Variants in FHIT observed in about 807,000 individuals in gnomAD.
FHIT encodes bis(5'-adenosyl)-triphosphatase.
A neutral mutation model predicts 17.9 loss-of-function variants in FHIT; 19 were observed. The observed-to-expected ratio is 1.06, with a 90% CI of 0.74 to 1.56. The LOEUF (loss-of-function observed/expected upper bound fraction) is 1.56. FHIT is among the 40% of genes most tolerant of loss of function. The pLI is 0.00. For synonymous variants in FHIT, 81 were observed against 69.7 expected (o/e 1.16, Z -0.81); for missense variants, 248 against 189.2 (o/e 1.31, Z -1.82).
chr3:60,604,689 C>A (rs1320755035), intron 4 of FHIT, among the ~76,000 whole-genome samples: 2 of 152,110 alleles, frequency 1.3e-5, no homozygotes, highest in East Asian at 1.9e-4. Flanking sequence ...GGGAAAAAAA[C>A]CGAGGTTCCC....
At chr3:60,668,537 A>T (rs2040434172) in intron 4 of FHIT, among the ~76,000 whole-genome samples, 1 of 144,504 alleles carries the variant, frequency 6.9e-6, no homozygotes, top group Non-Finnish European at 1.5e-5. Context: ...CTCCAGGCCT[A>T]GGGAGGCCAG....
At chr3:59,828,848 T>TGC (rs1491181062) in intron 8 of FHIT, among the ~76,000 whole-genome samples, 3 of 151,092 alleles carry the variant, frequency 2.0e-5, no homozygotes, top group South Asian at 2.1e-4. Flanking sequence ...GTACTCTCTC[T>TGC]GTGTGTGTGT....
At chr3:60,151,423 T>A (rs969820304) in intron 5 of FHIT, among the ~76,000 whole-genome samples, 1 of 152,172 alleles carries the variant, frequency 6.6e-6, no homozygotes, top group African/African-American at 2.4e-5. Context: ...AGCCTCCTAA[T>A]CAGTCCAAAC....
chr3:60,047,152 CG>C (rs1409037129), intron 5 of FHIT, among the ~76,000 whole-genome samples: 1 of 152,190 alleles, frequency 6.6e-6, no homozygotes, highest in Non-Finnish European at 1.5e-5. Flanking sequence ...ACGTAACAGT[CG>C]GTGCACAGCA....
At chr3:59,950,783 T>A (rs560094081) in intron 7 of FHIT, among the ~76,000 whole-genome samples, 3 of 152,110 alleles carry the variant, frequency 2.0e-5, no homozygotes, top group African/African-American at 7.2e-5. Context: ...CTACACAACT[T>A]TGGAAAACAC....
chr3:61,167,139 G>A (rs1342860214), intron 2 of FHIT: 1 of 152,102 alleles, frequency 6.6e-6, no homozygotes, highest in Non-Finnish European at 1.5e-5. Flanking sequence ...GGGTGATTTA[G>A]AAACGGATTA....
chr3:59,901,468 G>A (rs1344279571), intron 8 of FHIT, among the ~76,000 whole-genome samples: 2 of 152,166 alleles, frequency 1.3e-5, no homozygotes, highest in East Asian at 1.9e-4. Flanking sequence ...CACAGAATCT[G>A]AATAGACATT....
chr3:59,903,216 T>C (rs1704415330), intron 8 of FHIT, among the ~76,000 whole-genome samples: 1 of 152,188 alleles, frequency 6.6e-6, no homozygotes, highest in Non-Finnish European at 1.5e-5. Context: ...ATGCCATTTA[T>C]ATGAAATGTC....
intron 4 of FHIT, among the ~76,000 whole-genome samples, chr3:60,712,441 G>A (rs1439078720): frequency 6.6e-6 from 1 of 151,764 alleles, no homozygotes; most frequent in Non-Finnish European, 1.5e-5. Flanking sequence ...AACTATAAAT[G>A]TAAATGGACT....
Position 60,633,431 on chromosome 3 carries a change from T to C in FHIT, c.-17-96452A>G, listed in dbSNP as rs142169995. Among the ~76,000 whole-genome samples the C allele has an allele frequency of 1.7e-3, 261 of 152,276 alleles. 3 individuals are homozygous for C. The highest frequency in any genetic ancestry group is 6.2e-3 in the African/African-American group (256 of 41,562). On this transcript the variant is annotated intron_variant, in intron 4 of 9. Coordinates refer to ENST00000492590, the MANE Select transcript of FHIT (RefSeq NM_002012.4). ...GTAAACACACAATAAGTATTAGAAA[T>C]ACAACAAATTATTATATTTAAGTAT...
intron 8 of FHIT, among the ~76,000 whole-genome samples, chr3:59,882,605 C>G (rs973329334): frequency 3.3e-5 from 5 of 152,110 alleles, no homozygotes; most frequent in Admixed American, 2.6e-4. Context: ...AGAAGTCTGG[C>G]AAGGAAAGTA....
intron 8 of FHIT, among the ~76,000 whole-genome samples, chr3:59,785,984 T>C (rs1486675152): frequency 1.3e-5 from 2 of 152,202 alleles, no homozygotes; most frequent in African/African-American, 4.8e-5. Flanking sequence ...CTGTGAGCTC[T>C]GAGATCATGT....
At chr3:60,699,866 A>C (rs1208591760) in intron 4 of FHIT, among the ~76,000 whole-genome samples, 2 of 152,020 alleles carry the variant, frequency 1.3e-5, no homozygotes, top group Non-Finnish European at 2.9e-5. Flanking sequence ...CACATACGCC[A>C]GGTACAGTGG....
chr3:60,982,067 T>C (rs1710520773), intron 3 of FHIT, among the ~76,000 whole-genome samples: 1 of 152,232 alleles, frequency 6.6e-6, no homozygotes, highest in African/African-American at 2.4e-5. Context: ...GCTTCCACTC[T>C]TGCCCTTCCA....
At chr3:60,477,605 C>G (rs539267363) in intron 5 of FHIT, among the ~76,000 whole-genome samples, 1 of 152,260 alleles carries the variant, frequency 6.6e-6, no homozygotes, top group South Asian at 2.1e-4. Flanking sequence ...CATTTTAGAT[C>G]TACTGCAAAT....
intron 2 of FHIT, among the ~76,000 whole-genome samples, chr3:61,053,677 G>A (rs1217838934): frequency 7.4e-6 from 1 of 134,418 alleles, no homozygotes; most frequent in Non-Finnish European, 1.7e-5. Context: ...AAAAAAAATT[G>A]TGTTTAAAGT....
At chr3:61,206,418 A>C (rs975798682) in intron 1 of FHIT, among the ~76,000 whole-genome samples, 1 of 151,084 alleles carries the variant, frequency 6.6e-6, no homozygotes, top group Non-Finnish European at 1.5e-5. Flanking sequence ...CATTATGGCC[A>C]TTTTGACAAT....
intron 8 of FHIT, among the ~76,000 whole-genome samples, chr3:59,855,785 TG>T (rs1702129225): frequency 6.7e-6 from 1 of 148,378 alleles, no homozygotes; most frequent in East Asian, 1.9e-4. Context: ...AACCTTTTTT[TG>T]TTTTTTTTTT....
intron 4 of FHIT, among the ~76,000 whole-genome samples, chr3:60,633,518 C>A (rs2039501628): frequency 6.6e-6 from 1 of 152,114 alleles, no homozygotes; most frequent in African/African-American, 2.4e-5. Context: ...AATCATGGAT[C>A]AAAACAGTTG....
Sources: gnomAD v4.1 joint callset for allele counts (sites outside exome capture counted in the v4.1 genomes callset) on GRCh38, gnomAD v4.1.1 for gene constraint, MANE v1.5 for transcripts, NCBI Gene and HGNC (gene_info 2026-07-23, HGNC 2026-07-21) for gene names.